BAAT: variants seen among roughly 807,000 people sequenced by gnomAD.
BAAT encodes the protein bile acid-CoA:amino acid N-acyltransferase.
BAAT carries 13 observed loss-of-function variants against 18.9 expected under a neutral mutation model. The ratio of observed to expected loss-of-function variants is 0.69; its 90% CI spans 0.45 to 1.10. BAAT has a LOEUF of 1.10. BAAT is among the 50% of genes least tolerant of loss of function. BAAT has a pLI of 0.00. For synonymous variants in BAAT, 170 were observed against 190.7 expected (o/e 0.89, Z 0.89); for missense variants, 489 against 504.0 (o/e 0.97, Z 0.28).
At chr9:101,379,408 G>T (rs1375240203) in intron 1 of BAAT, among the ~76,000 whole-genome samples, 2 of 152,164 alleles carry the variant, frequency 1.3e-5, no homozygotes, top group Admixed American at 6.5e-5. Context: ...CCCTGGCTTT[G>T]TTAGCCTCAA....
chr9:101,362,989 G>T lies in BAAT; in HGVS notation c.696C>A (p.Val232=), dbSNP rs777645424. 1 of 1,613,860 alleles carries T rather than the reference G, an allele frequency of 6.2e-7. No homozygotes were observed. The highest frequency in any genetic ancestry group is 8.5e-7 in the Non-Finnish European group (1 of 1,179,968). Residue 232 remains valine, a synonymous_variant, in exon 4 of 4, where the codon GTC becomes GTA. Coordinates refer to ENST00000259407, the MANE Select transcript of BAAT (RefSeq NM_001701.4). ...PKVFGSGVGV[V]SVCQGVQIGL... ...CAATCTGTACTCCTTGACATACAGA[G>T]ACTACCCCAACGCCTGAGCCAAAGA...
At chr9:101,375,860 A>G (rs918630233) in intron 1 of BAAT, 45 of 152,368 alleles carry the variant, frequency 3.0e-4, no homozygotes, top group African/African-American at 1.1e-3. Context: ...TTTGCCCAAT[A>G]AGTTCCATTT....
intron 2 of BAAT, among the ~76,000 whole-genome samples, chr9:101,370,008 G>A (rs1829903240): frequency 1.3e-5 from 2 of 152,068 alleles, no homozygotes; most frequent in Non-Finnish European, 2.9e-5. Context: ...GAAGCTAGAG[G>A]TTACAAAGTT....
In BAAT at chr9:101,371,060, G is replaced by A; in HGVS notation, c.345C>T (p.Asn115=). Residue 115 remains asparagine, a synonymous_variant, in exon 2 of 4, where the codon AAC becomes AAT. Transcript: ENST00000259407. ...CCTTTGGAGCACTGGCAACTTTATT[G>A]TTCACTATTAACTCTAAGTCATAAA... ...VKLYDLELIV[N]NKVASAPKAS... is the part of the protein sequence containing the mutation. 1.2e-6 allele frequency: 2 copies of A among 1,614,018 alleles called. No individual in the cohort carries two copies. The highest frequency in any genetic ancestry group is 8.5e-7 in the Non-Finnish European group (1 of 1,179,962).
At chr9:101,384,620 A>G (rs1830175963) in intron 1 of BAAT, among the ~76,000 whole-genome samples, 1 of 152,214 alleles carries the variant, frequency 6.6e-6, no homozygotes, top group Admixed American at 6.5e-5. Context: ...AAAATAAATG[A>G]ATTACAACTA....
chr9:101,376,829 AAGTT>A (rs1267222923), intron 1 of BAAT, among the ~76,000 whole-genome samples: 2 of 152,368 alleles, frequency 1.3e-5, no homozygotes, highest in Admixed American at 6.5e-5. Flanking sequence ...ATAGATCTAA[AAGTT>A]AGAGAAAGAG....
chr9:101,383,995 A>G (rs1830168316), intron 1 of BAAT, among the ~76,000 whole-genome samples: 1 of 152,208 alleles, frequency 6.6e-6, no homozygotes, highest in Admixed American at 6.5e-5. Context: ...ACTAATTCAC[A>G]TGGTTTCTTG....
In BAAT at chr9:101,362,367, A is replaced by G; in HGVS notation, c.*61T>C. The G allele has an allele frequency of 2.6e-6, 4 of 1,543,696 alleles. No homozygotes were observed. Among genetic ancestry groups the G allele is most frequent in the Non-Finnish European group, 2.7e-6 (3 of 1,123,118 alleles). On this transcript the variant is annotated 3_prime_UTR_variant, in exon 4 of 4. Coordinates refer to ENST00000259407, the MANE Select transcript of BAAT (RefSeq NM_001701.4). ...CTGGGGGAGACATTCCGCCATGAAA[A>G]TTGAGAGAAGGTCCCGGTAAAGAGA... is the stretch of plus-strand genomic sequence containing the variant.
At position 101,360,870 on chromosome 9, in the gene BAAT, T is replaced by G. The variant is rs1564052379; in HGVS notation, c.*1558A>C. ...TGCAAACAAACACTAAAAAAGCACT[T>G]GCTTATTCATACAGGAGTGAGATCA... On this transcript the variant is annotated 3_prime_UTR_variant, in exon 4 of 4. Transcript: ENST00000259407. 6.4e-6 allele frequency: 1 copy of G among 157,476 alleles called. No homozygotes were observed. Among genetic ancestry groups the G allele is most frequent in the African/African-American group, 2.4e-5 (1 of 41,494 alleles). The allele number at this position is 157,476 out of a possible 1,614,324, so 9.8% of individuals were successfully genotyped here.
At chr9:101,363,750 C>T (rs1231252849) in intron 3 of BAAT, among the ~76,000 whole-genome samples, 2 of 151,990 alleles carry the variant, frequency 1.3e-5, no homozygotes, top group African/African-American at 4.8e-5. Flanking sequence ...AAGGCAGGAT[C>T]AAAGAAAGGC....
chr9:101,368,001 C>T (rs1308870173), intron 3 of BAAT, 119 bp downstream of exon 3: 1 of 1,048,204 alleles, frequency 9.5e-7, no homozygotes. Context: ...GGCCAAGTGT[C>T]AGATCATGCC....
At chr9:101,366,216 T>TGAAA (rs1173719514) in intron 3 of BAAT, among the ~76,000 whole-genome samples, 1 of 151,884 alleles carries the variant, frequency 6.6e-6, no homozygotes, top group African/African-American at 2.4e-5. Flanking sequence ...GATTTGGCCA[T>TGAAA]GAAAGATAAA....
intron 1 of BAAT, among the ~76,000 whole-genome samples, chr9:101,380,585 C>A (rs1394447057): frequency 6.6e-6 from 1 of 152,078 alleles, no homozygotes; most frequent in Non-Finnish European, 1.5e-5. Flanking sequence ...GAAGCTGTAT[C>A]CTTTTTATAT....
chr9:101,382,269 G>A (rs190706300), intron 1 of BAAT, among the ~76,000 whole-genome samples: 69 of 152,298 alleles, frequency 4.5e-4, no homozygotes, highest in Non-Finnish European at 7.5e-4. Flanking sequence ...GGAACTGGGC[G>A]AATGAGCTCA....
intron 3 of BAAT, among the ~76,000 whole-genome samples, chr9:101,365,389 A>G (rs1829809088): frequency 6.6e-6 from 1 of 152,168 alleles, no homozygotes; most frequent in Non-Finnish European, 1.5e-5. Flanking sequence ...AAGAGGGAAA[A>G]AAAAAACTAA....
At chr9:101,363,488 T>C (rs547018053) in intron 3 of BAAT, among the ~76,000 whole-genome samples, 19 of 152,268 alleles carry the variant, frequency 1.2e-4, no homozygotes, top group Admixed American at 3.3e-4. Flanking sequence ...GAGAAAAATG[T>C]CATAAAGGAG....
At position 101,384,020 on chromosome 9, in the gene BAAT, C is replaced by T. The variant is rs142178328; in HGVS notation, c.-60+835G>A. On this transcript the variant is annotated intron_variant, in intron 1 of 3. Transcript: ENST00000259407. ...ATGGTTTCTTGAAATAGCTACAGAA[C>T]GGAGTGTTAGTAGGATTTTACATGA... Among the ~76,000 whole-genome samples, 11 of 152,236 alleles carry T rather than the reference C, an allele frequency of 7.2e-5. No homozygotes were observed. In the East Asian group the frequency reaches 7.7e-4, roughly 11 times the overall value.
chr9:101,371,494 ATAAAG>A (rs1007624265), intron 1 of BAAT, 31 bp from the exon 2 acceptor site: 5 of 1,295,726 alleles, frequency 3.9e-6, no homozygotes, highest in African/African-American at 1.5e-5. Flanking sequence ...GAGCAGTAAA[ATAAAG>A]TAGAGATAAG....
At chr9:101,384,025 T>A (rs1325844502) in intron 1 of BAAT, among the ~76,000 whole-genome samples, 1 of 152,136 alleles carries the variant, frequency 6.6e-6, no homozygotes, top group Non-Finnish European at 1.5e-5. Flanking sequence ...CAGAACGGAG[T>A]GTTAGTAGGA....
Sources: allele counts gnomAD v4.1 joint callset (sites outside exome capture counted in the v4.1 genomes callset), GRCh38; gene constraint gnomAD v4.1.1; transcripts MANE v1.5; gene names NCBI Gene and HGNC (gene_info 2026-07-23, HGNC 2026-07-21).